SIRT6: variants seen among roughly 807,000 people sequenced by gnomAD.
The protein encoded by SIRT6 is sirtuin 6.
Under a neutral mutation model 33.6 loss-of-function variants are expected in SIRT6, and 21 were observed. The ratio of observed to expected loss-of-function variants is 0.62; its 90% CI spans 0.44 to 0.90. The LOEUF (loss-of-function observed/expected upper bound fraction) is 0.90, where lower values mean the gene tolerates loss of function less well. Ranked by LOEUF, SIRT6 falls within the 40% of genes least tolerant of loss-of-function variation. SIRT6 has a pLI of 0.00. For missense variants in SIRT6, 504 were observed against 510.6 expected, an observed-to-expected ratio of 0.99 and a Z score of 0.12; for synonymous variants, 221 against 223.9, an observed-to-expected ratio of 0.99 and a Z score of 0.12.
intron 1 of SIRT6, 28 bp from the exon 2 acceptor site, chr19:4,180,937 G>A (rs764790380): frequency 4.4e-6 from 7 of 1,581,254 alleles, no homozygotes; most frequent in Admixed American, 3.6e-5. Flanking sequence ...AGACGGAGGG[G>A]TCAAAACAGT....
intron 2 of SIRT6, chr19:4,179,519 C>T (rs1967503079): frequency 1.8e-6 from 1 of 548,520 alleles, no homozygotes. Flanking sequence ...AAAGACAAAG[C>T]AAGTCAGAGA....
In SIRT6 at chr19:4,179,177, C is replaced by G. The variant is rs1450521573; in HGVS notation, c.304G>C (p.Glu102Gln). ...AGGAAGCGGAGGAGGCCCACGCGCT[C>G]CAGCTGCACCAGCGCCATGTGGGTC... ...TQTHMALVQL[E>Q]RVGLLRFLVS... Residue 102 changes from glutamate (E) to glutamine (Q), a missense_variant, in exon 3 of 8, where the codon GAG becomes CAG. Coordinates refer to ENST00000337491, the MANE Select transcript of SIRT6 (RefSeq NM_016539.4). 3.1e-6 allele frequency: 5 copies of G among 1,612,002 alleles called. No individual in the cohort carries two copies. The highest frequency in any genetic ancestry group is 3.3e-5 in the Admixed American group (2 of 59,772).
At position 4,178,958 on chromosome 19, in the gene SIRT6, A is replaced by G. The variant is rs972829280; in HGVS notation, c.377+146T>C. 1.1e-5 allele frequency: 12 copies of G among 1,062,236 alleles called. No individual in the cohort carries two copies. In the African/African-American group the frequency reaches 1.6e-4, roughly 14 times the overall value. 65.8% of individuals were successfully genotyped at this position (1,062,236 alleles called of 1,614,324 possible). A position where few individuals can be genotyped will look rare whatever the true frequency, so the allele number is the denominator to read the frequency against. On this transcript the variant is annotated intron_variant, in intron 3 of 7. Transcript: ENST00000337491. ...GCCTCAGCCGGGACAGCTCTGAGCC[A>G]TGGGACTCAGAGATCTCCACACACT...
intron 1 of SIRT6, among the ~76,000 whole-genome samples, chr19:4,181,184 G>C (rs1967635236): frequency 6.6e-6 from 1 of 151,740 alleles, no homozygotes; most frequent in African/African-American, 2.4e-5. Context: ...GCCTCACTCT[G>C]CTCCAGCCAC....
At chr19:4,178,083 G>C (rs372368381) in intron 3 of SIRT6, among the ~76,000 whole-genome samples, 1 of 148,880 alleles carries the variant, frequency 6.7e-6, no homozygotes, top group African/African-American at 2.5e-5. Flanking sequence ...CTGGAGTGCA[G>C]TGGCGCCATC....
chr19:4,176,652 G>A (rs1330094618), intron 4 of SIRT6, among the ~76,000 whole-genome samples: 1 of 152,168 alleles, frequency 6.6e-6, no homozygotes, highest in African/African-American at 2.4e-5. Context: ...CACCAAGGGT[G>A]GCTGGCTGCC....
rs199883801 is a variant in SIRT6, at chr19:4,175,694, G to A, written c.600C>T (p.Ala200=). ...GGGGGTCAGACCTGCTGGCCTCATC[G>A]GCGAGTGCCAGGTCCCGGTCGGGCA... ...DSLPDRDLAL[A]DEASRNADLS... Residue 200 remains alanine, a synonymous_variant, in exon 6 of 8, where the codon GCC becomes GCT. Transcript: ENST00000337491. 24 of 1,570,860 alleles carry A rather than the reference G, an allele frequency of 1.5e-5. No individual in the cohort carries two copies. The highest frequency in any genetic ancestry group is 2.3e-5 in the East Asian group (1 of 43,230).
In SIRT6 at chr19:4,180,895, C is replaced by A. The variant is rs200977816; in HGVS notation, c.81G>T (p.Pro27=). The change falls in exon 2 of 8, where the codon CCG becomes CCT. Residue 27 remains proline, a synonymous_variant. Transcript: ENST00000337491. ...KCGLPEIFDP[P]EELERKVWEL... is the part of the protein sequence containing the mutation. ...CCCACACCTTCCGCTCCAGCTCCTC[C>A]GGGGGGTCGAAGATCTGTGGGGGGA... The A allele has an allele frequency of 6.2e-7, 1 of 1,611,918 alleles. No homozygotes were observed. The highest frequency in any genetic ancestry group is 8.5e-7 in the Non-Finnish European group (1 of 1,179,138).
intron 2 of SIRT6, chr19:4,179,540 G>C (rs956336195): frequency 1.9e-6 from 1 of 530,960 alleles, no homozygotes; most frequent in African/African-American, 1.9e-5. Flanking sequence ...CAGAATTGGA[G>C]AGAGACAGAG....
At chr19:4,177,494 T>C (rs1044260268) in intron 3 of SIRT6, among the ~76,000 whole-genome samples, 4 of 151,936 alleles carry the variant, frequency 2.6e-5, no homozygotes, top group African/African-American at 9.7e-5. Context: ...AAATTCCCAG[T>C]TTATAATGGA....
At chr19:4,179,072 G>A in intron 3 of SIRT6, 32 bp downstream of exon 3, 1 of 1,607,330 alleles carries the variant, frequency 6.2e-7, no homozygotes, top group Non-Finnish European at 8.5e-7. Context: ...GGGGCCCCAA[G>A]CTCTTTTGTG....
At position 4,174,749 on chromosome 19, in the gene SIRT6, G is replaced by A. The variant is rs563432345; in HGVS notation, c.936C>T (p.Pro312=). 5.3e-5 allele frequency: 79 copies of A among 1,487,558 alleles called. No individual in the cohort carries two copies. The highest frequency in any genetic ancestry group is 8.4e-5 in the African/African-American group (6 of 71,370). The allele number at this position is 1,487,558 out of a possible 1,614,324, so 92.1% of individuals were successfully genotyped here. A position where few individuals can be genotyped will look rare whatever the true frequency, so the allele number is the denominator to read the frequency against. ...CGCAGGGCTCCTGCTTGGGGCCGGC[G>A]GGGATAGAGCCGTTGATCCGGGTGG... ...ESPTRINGSI[P]AGPKQEPCAQ... The change falls in exon 8 of 8, where the codon CCC becomes CCT. Residue 312 remains proline (P), a synonymous_variant. Transcript: ENST00000337491. This position sits in a 1 kb window ranked among gnomAD's most constrained non-coding sequence, Gnocchi z 4.2.
At chr19:4,179,477 A>G (rs1183237672) in intron 2 of SIRT6, 191 bp from the exon 3 acceptor site, 2 of 614,590 alleles carry the variant, frequency 3.3e-6, no homozygotes, top group East Asian at 2.8e-5. Flanking sequence ...AGAGGGGGAT[A>G]GAACAAGACA....
intron 2 of SIRT6, among the ~76,000 whole-genome samples, chr19:4,179,840 G>C (rs561361702): frequency 5.9e-5 from 9 of 152,184 alleles, no homozygotes; most frequent in Non-Finnish European, 1.0e-4. Flanking sequence ...CTTGAAGGGT[G>C]AGAGGGAAGA....
chr19:4,179,104 C>A lies in SIRT6; in HGVS notation c.377G>T (p.Arg126Met), dbSNP rs757028991. Residue 126 changes from arginine (R) to methionine (M), a missense_variant and splice_region_variant, in exon 3 of 8, where the codon AGG (arginine) becomes ATG (methionine). Physicochemically the swap from Arg to Met is moderately conservative, Grantham distance 91. Transcript: ENST00000337491. ...TGTGGGGGCGGGGCCAGGGTGTTAC[C>A]TGGGGAAGCCTGAGCGCACATGGAG... ...DGLHVRSGFP[R>M]DKLAELHGNM... is the part of the protein sequence containing the mutation. The A allele has an allele frequency of 3.1e-6, 5 of 1,611,706 alleles. No individual in the cohort carries two copies. Among genetic ancestry groups the A allele is most frequent in the Non-Finnish European group, 4.2e-6 (5 of 1,179,762 alleles).
chr19:4,175,788 T>A, intron 5 of SIRT6, 28 bp from the exon 6 acceptor site: 1 of 1,555,734 alleles, frequency 6.4e-7, no homozygotes. Flanking sequence ...AGGAGAGTCC[T>A]CAGGGGCCTC....
intron 1 of SIRT6, among the ~76,000 whole-genome samples, chr19:4,181,154 C>T (rs1316876947): frequency 6.6e-6 from 1 of 152,156 alleles, no homozygotes; most frequent in Non-Finnish European, 1.5e-5. Flanking sequence ...CCTCCCTGCC[C>T]TCTTCTCCTC....
intron 2 of SIRT6, 187 bp downstream of exon 2, chr19:4,180,594 TG>T: frequency 3.3e-6 from 2 of 607,568 alleles, no homozygotes; most frequent in Non-Finnish European, 5.2e-6. Flanking sequence ...TTGGCCAGGC[TG>T]GTCTGGAATT....
Position 4,175,010 on chromosome 19 carries a change from G to A in SIRT6, c.738+18C>T, listed in dbSNP as rs1267042231. The A allele has an allele frequency of 5.6e-6, 9 of 1,602,750 alleles. No homozygotes were observed. The highest frequency in any genetic ancestry group is 1.1e-5 in the South Asian group (1 of 89,570). Reference sequence around the variant, plus strand: ...GGGTGCATGGTGGCCCTGGGCAGGGGTAGGCTCAGACACCTACGTGCTTGG... The same window carrying A: ...GGGTGCATGGTGGCCCTGGGCAGGGATAGGCTCAGACACCTACGTGCTTGG... On this transcript the variant is annotated intron_variant, in intron 7 of 7. Transcript: ENST00000337491.
Sources: gnomAD v4.1 joint callset for allele counts (sites outside exome capture counted in the v4.1 genomes callset) on GRCh38, gnomAD v4.1.1 for gene constraint, Gnocchi (gnomAD v3.1) non-coding constraint, MANE v1.5 for transcripts, NCBI Gene and HGNC (gene_info 2026-07-23, HGNC 2026-07-21) for gene names.